The following CCSER1 variants were observed in gnomAD, a reference collection of about 807,000 sequenced individuals.
CCSER1 encodes serine-rich coiled-coil domain-containing protein 1.
Under a neutral mutation model 82.0 loss-of-function variants are expected in CCSER1, and 41 were observed. That is an observed-to-expected ratio of 0.50 (90% CI 0.39 to 0.65). The LOEUF (loss-of-function observed/expected upper bound fraction) is 0.65. Ranked by LOEUF, CCSER1 falls within the 30% of genes least tolerant of loss-of-function variation. CCSER1 has a pLI of 0.00. For missense variants in CCSER1, 1,119 were observed against 1,064.2 expected, an observed-to-expected ratio of 1.05 and a Z score of -0.72; for synonymous variants, 414 against 383.9, an observed-to-expected ratio of 1.08 and a Z score of -0.92.
intron 10 of CCSER1, among the ~76,000 whole-genome samples, chr4:91,250,205 A>G (rs914929817): frequency 6.6e-6 from 1 of 152,020 alleles, no homozygotes; most frequent in African/African-American, 2.4e-5. Flanking sequence ...GATTATTTCT[A>G]TCATCTGTCC....
At chr4:90,868,252 T>G (rs1338748783) in intron 8 of CCSER1, among the ~76,000 whole-genome samples, 1 of 152,088 alleles carries the variant, frequency 6.6e-6, no homozygotes, top group East Asian at 1.9e-4. Context: ...TATTAGTAAC[T>G]ATAGTCACCC....
chr4:90,261,920 A>G (rs1057356140), intron 1 of CCSER1, among the ~76,000 whole-genome samples: 3 of 152,008 alleles, frequency 2.0e-5, no homozygotes, highest in Non-Finnish European at 4.4e-5. Flanking sequence ...ATTTCCCTAA[A>G]TGTGTCTTTC....
chr4:91,466,443 C>T (rs995906911), intron 10 of CCSER1, among the ~76,000 whole-genome samples: 2 of 152,148 alleles, frequency 1.3e-5, no homozygotes, highest in Non-Finnish European at 2.9e-5. Flanking sequence ...AAAACTGGCA[C>T]AAGACAGGGA....
At chr4:91,431,447 C>T (rs1339707925) in intron 10 of CCSER1, among the ~76,000 whole-genome samples, 1 of 152,092 alleles carries the variant, frequency 6.6e-6, no homozygotes, top group African/African-American at 2.4e-5. Context: ...CACACATATA[C>T]ATACACAGCA....
chr4:90,533,855 GTATC>G (rs1427629475), intron 5 of CCSER1, among the ~76,000 whole-genome samples: 3 of 152,042 alleles, frequency 2.0e-5, no homozygotes, highest in African/African-American at 7.2e-5. Context: ...CATTTATTGA[GTATC>G]TATTACATTA....
intron 9 of CCSER1, among the ~76,000 whole-genome samples, chr4:91,078,860 G>C (rs1722342774): frequency 6.6e-6 from 1 of 152,188 alleles, no homozygotes; most frequent in South Asian, 2.1e-4. Context: ...ATGAAATGTA[G>C]CGACAAGAGA....
chr4:91,559,444 A>T (rs1189215439), intron 10 of CCSER1, among the ~76,000 whole-genome samples: 1 of 151,470 alleles, frequency 6.6e-6, no homozygotes, highest in Non-Finnish European at 1.5e-5. Context: ...TATTAAGATG[A>T]AGGAATATTT....
intron 8 of CCSER1, among the ~76,000 whole-genome samples, chr4:90,879,660 G>GGAAAGAAGAAGAA (rs533103485): frequency 0.063 from 9,316 of 147,950 alleles, 353 homozygotes; most frequent in Non-Finnish European, 0.083. Flanking sequence ...AAGAAGAAGA[G>GGAAAGAAGAAGAA]GAAAGAAGAA....
At chr4:90,860,528 G>A (rs1444575081) in intron 8 of CCSER1, among the ~76,000 whole-genome samples, 1 of 151,250 alleles carries the variant, frequency 6.6e-6, no homozygotes, top group East Asian at 1.9e-4. Context: ...TCTACTCCTC[G>A]GTCTATACCC....
intron 10 of CCSER1, among the ~76,000 whole-genome samples, chr4:91,297,711 C>T (rs1287997348): frequency 1.3e-5 from 2 of 151,710 alleles, no homozygotes; most frequent in African/African-American, 2.4e-5. Flanking sequence ...AACTTTTGAT[C>T]ATGTGGTGAA....
intron 3 of CCSER1, among the ~76,000 whole-genome samples, chr4:90,360,370 TA>T (rs34265885): frequency 1.1e-4 from 16 of 144,886 alleles, no homozygotes; most frequent in South Asian, 4.3e-4. Flanking sequence ...CTACTAAAAA[TA>T]AAAAAAAAAT....
In CCSER1 at chr4:91,278,310, T is replaced by C. The variant is rs541564032; in HGVS notation, c.2217+192316T>C. 6.6e-5 allele frequency among the ~76,000 whole-genome samples: 10 copies of C among 152,262 alleles called. No individual in the cohort carries two copies. In the South Asian group the frequency reaches 1.9e-3, roughly 28 times the overall value. On this transcript the variant is annotated intron_variant, in intron 10 of 10. Transcript: ENST00000509176. The stretch of plus-strand genomic sequence containing the variant: ...AACTATTACTATTATTGTATTGGAA[T>C]CTGTTCTTCCCTTTACATCTGGTAA...
In CCSER1 at chr4:90,750,062, A is replaced by G. The variant is rs149883783; in HGVS notation, c.2010+26071A>G. Among the ~76,000 whole-genome samples the G allele has an allele frequency of 1.2e-3, 179 of 151,904 alleles. 4 individuals are homozygous for G. The East Asian group carries it at 0.02, about 17-fold the overall frequency. Reference sequence around the variant, plus strand: ...GGCCAGTGATGGTGAGCATTTTTTCATGTGTTTTTTGGCTGCATAAATGTC... The same window carrying G: ...GGCCAGTGATGGTGAGCATTTTTTCGTGTGTTTTTTGGCTGCATAAATGTC... On this transcript the variant is annotated intron_variant, in intron 7 of 10. Coordinates refer to ENST00000509176, the MANE Select transcript of CCSER1 (RefSeq NM_001145065.2).
At chr4:90,830,296 G>A (rs1344974444) in intron 8 of CCSER1, among the ~76,000 whole-genome samples, 1 of 152,048 alleles carries the variant, frequency 6.6e-6, no homozygotes, top group Admixed American at 6.6e-5. Context: ...CTTTTATATT[G>A]AGGAAACCAA....
chr4:91,348,086 T>G (rs1748191213), intron 10 of CCSER1, among the ~76,000 whole-genome samples: 1 of 152,148 alleles, frequency 6.6e-6, no homozygotes, highest in South Asian at 2.1e-4. Context: ...AGTTTTTCAC[T>G]GTTAAGTATG....
At chr4:91,028,746 G>A (rs567183481) in intron 9 of CCSER1, among the ~76,000 whole-genome samples, 1 of 151,834 alleles carries the variant, frequency 6.6e-6, no homozygotes, top group East Asian at 1.9e-4. Context: ...CCCTAAACCT[G>A]GTGAATATAA....
chr4:91,386,605 T>C (rs1321476444), intron 10 of CCSER1, among the ~76,000 whole-genome samples: 1 of 152,082 alleles, frequency 6.6e-6, no homozygotes, highest in East Asian at 1.9e-4. Context: ...CGGAGCATGG[T>C]TTAAAGTGTC....
chr4:91,136,481 T>A (rs1489176437), intron 10 of CCSER1, among the ~76,000 whole-genome samples: 1 of 152,190 alleles, frequency 6.6e-6, no homozygotes, highest in Non-Finnish European at 1.5e-5. Flanking sequence ...CTCTAATCTT[T>A]TCCATCTCCC....
intron 7 of CCSER1, among the ~76,000 whole-genome samples, chr4:90,798,715 A>G (rs1458941633): frequency 6.6e-6 from 1 of 152,184 alleles, no homozygotes; most frequent in Non-Finnish European, 1.5e-5. Context: ...CGTGGATTCA[A>G]CTGACTGGCT....
Sources: allele counts gnomAD v4.1 joint callset (sites outside exome capture counted in the v4.1 genomes callset), GRCh38; gene constraint gnomAD v4.1.1; transcripts MANE v1.5; gene names NCBI Gene and HGNC (gene_info 2026-07-23, HGNC 2026-07-21).